The following SPAST variants were observed in gnomAD, a reference collection of about 807,000 sequenced individuals.
SPAST encodes spastic paraplegia 4 (autosomal dominant; spastin).
A neutral mutation model predicts 76.6 loss-of-function variants in SPAST; 30 were observed. The observed-to-expected ratio is 0.39, with a 90% CI of 0.29 to 0.53. The LOEUF (loss-of-function observed/expected upper bound fraction) is 0.53, where lower values mean the gene tolerates loss of function less well. Among genes scored for constraint, SPAST ranks in the 20% least tolerant of loss-of-function variants. The pLI, the probability that SPAST is intolerant of heterozygous loss-of-function variation, is 0.68. For synonymous variants in SPAST, 305 were observed against 281.0 expected, an observed-to-expected ratio of 1.09 and a Z score of -0.86; for missense variants, 717 against 770.5, an observed-to-expected ratio of 0.93 and a Z score of 0.82.
At chr2:32,092,128 G>A (rs529511125) in intron 3 of SPAST, among the ~76,000 whole-genome samples, 1 of 152,102 alleles carries the variant, frequency 6.6e-6, no homozygotes, top group East Asian at 1.9e-4. Flanking sequence ...CTCCTATATG[G>A]TCATTGTGTT....
rs1318207268 is a variant in SPAST at position 32,134,460 on chromosome 2, T to C, written c.1246-2103T>C. Reference sequence around the variant, plus strand: ...GAGATTGCAGTGAGCCGAGACTCCATCTCAAAAAAAAAAAATTTTTTTTTG... The same window carrying C: ...GAGATTGCAGTGAGCCGAGACTCCACCTCAAAAAAAAAAAATTTTTTTTTG... On this transcript the variant is annotated intron_variant, in intron 9 of 16. Coordinates refer to ENST00000315285, the MANE Select transcript of SPAST (RefSeq NM_014946.4). Among the ~76,000 whole-genome samples the C allele has an allele frequency of 2.3e-5, 3 of 127,752 alleles. No individual in the cohort carries two copies. The East Asian group carries it at 6.7e-4, about 28-fold the overall frequency. 83.8% of individuals were successfully genotyped at this position (127,752 alleles called of 152,430 possible).
At chr2:32,093,227 C>T (rs920383815) in intron 3 of SPAST, among the ~76,000 whole-genome samples, 9 of 145,846 alleles carry the variant, frequency 6.2e-5, no homozygotes, top group African/African-American at 2.3e-4. Context: ...AGGAGAATGG[C>T]GTGAACCCGG....
At chr2:32,101,221 GC>G (rs1338808325) in intron 4 of SPAST, among the ~76,000 whole-genome samples, 2 of 152,132 alleles carry the variant, frequency 1.3e-5, no homozygotes, top group African/African-American at 4.8e-5. Flanking sequence ...GTGATGATGA[GC>G]ATTTTTTCAT....
Position 32,063,798 on chromosome 2 carries a change from C to A in SPAST, c.-34C>A, listed in dbSNP as rs1676381588. 1 of 1,545,354 alleles carries A rather than the reference C, an allele frequency of 6.5e-7. No individual in the cohort carries two copies. The highest frequency in any genetic ancestry group is 8.7e-7 in the Non-Finnish European group (1 of 1,153,442). On this transcript the variant is annotated 5_prime_UTR_variant, in exon 1 of 17. Coordinates refer to ENST00000315285, the MANE Select transcript of SPAST (RefSeq NM_014946.4). ...TTGGTTCCCGTCGGTCTGCGGGAGG[C>A]GGGTTATGGCGGCGGCGGCAGTGAG...
chr2:32,125,929 G>A (rs1679175319), intron 7 of SPAST, among the ~76,000 whole-genome samples: 1 of 152,056 alleles, frequency 6.6e-6, no homozygotes, highest in Non-Finnish European at 1.5e-5. Context: ...TGAGTAGCTG[G>A]GACGACAGGC....
At chr2:32,124,003 G>GAA (rs35266649) in intron 7 of SPAST, among the ~76,000 whole-genome samples, 6 of 149,994 alleles carry the variant, frequency 4.0e-5, no homozygotes, top group East Asian at 1.9e-4. Flanking sequence ...CATGATCCTT[G>GAA]AAAAAAAAAA....
intron 1 of SPAST, among the ~76,000 whole-genome samples, chr2:32,079,094 G>A (rs1677092360): frequency 1.3e-5 from 2 of 152,100 alleles, no homozygotes; most frequent in Admixed American, 1.3e-4. Flanking sequence ...GCCCACCTCA[G>A]CCTCCCGAAG....
At chr2:32,136,044 C>T (rs1331190088) in intron 9 of SPAST, among the ~76,000 whole-genome samples, 1 of 149,442 alleles carries the variant, frequency 6.7e-6, no homozygotes, top group Middle Eastern at 3.4e-3. Flanking sequence ...CACCACTGCA[C>T]TCCAGACTGG....
intron 12 of SPAST, among the ~76,000 whole-genome samples, chr2:32,140,914 CT>C (rs1340787908): frequency 8.2e-6 from 1 of 121,880 alleles, no homozygotes; most frequent in Non-Finnish European, 1.8e-5. Flanking sequence ...TTTGTTTGCT[CT>C]TTTTTGGGGG....
At chr2:32,069,647 C>G (rs1573037914) in intron 1 of SPAST, among the ~76,000 whole-genome samples, 2 of 151,700 alleles carry the variant, frequency 1.3e-5, no homozygotes, top group East Asian at 3.9e-4. Flanking sequence ...AGCCCCGCCT[C>G]CCACGTTCAC....
In SPAST at chr2:32,154,732, A is replaced by T; in HGVS notation, c.*236A>T. 2.0e-6 allele frequency: 1 copy of T among 506,218 alleles called. No individual in the cohort carries two copies. Among genetic ancestry groups the T allele is most frequent in the East Asian group, 3.6e-5 (1 of 27,518 alleles). The allele number at this position is 506,218 out of a possible 1,614,324, so 31.4% of individuals were successfully genotyped here. On this transcript the variant is annotated 3_prime_UTR_variant, in exon 17 of 17. Coordinates refer to ENST00000315285, the MANE Select transcript of SPAST (RefSeq NM_014946.4). ...TTGATGGTCACAGTTATCCCAATGG[A>T]CACTAAGTTAGAGCACAACAAAACC...
At chr2:32,135,044 T>C (rs971663348) in intron 9 of SPAST, among the ~76,000 whole-genome samples, 1 of 152,032 alleles carries the variant, frequency 6.6e-6, no homozygotes, top group Non-Finnish European at 1.5e-5. Context: ...AGTATAACTT[T>C]AGGCCTGTTT....
intron 7 of SPAST, among the ~76,000 whole-genome samples, chr2:32,121,402 A>G (rs942328142): frequency 2.6e-5 from 4 of 151,386 alleles, no homozygotes; most frequent in African/African-American, 4.9e-5. Flanking sequence ...CAGCCTCCCA[A>G]AGTGCTGGGA....
At chr2:32,131,755 C>G (rs1367201169) in intron 9 of SPAST, among the ~76,000 whole-genome samples, 1 of 149,660 alleles carries the variant, frequency 6.7e-6, no homozygotes, top group Non-Finnish European at 1.5e-5. Flanking sequence ...CTCTGCCTCC[C>G]GGGTTCAAGT....
chr2:32,145,925 C>T (rs1166947532), intron 15 of SPAST, among the ~76,000 whole-genome samples: 1 of 152,120 alleles, frequency 6.6e-6, no homozygotes, highest in Non-Finnish European at 1.5e-5. Flanking sequence ...TGTAGTTGTA[C>T]GAGAAAGATG....
At chr2:32,136,497 A>G in intron 9 of SPAST, 66 bp from the exon 10 acceptor site, 2 of 1,202,934 alleles carry the variant, frequency 1.7e-6, no homozygotes, top group African/African-American at 1.5e-5. Flanking sequence ...GATTTTCAAC[A>G]TAAAATTTAA....
At chr2:32,087,681 T>G (rs1305305967) in intron 2 of SPAST, 103 bp downstream of exon 2, 2 of 368,988 alleles carry the variant, frequency 5.4e-6, no homozygotes, top group Non-Finnish European at 8.8e-6. Flanking sequence ...CTTTCTTTCT[T>G]TTCTTTTCTT....
chr2:32,154,285 C>A, intron 16 of SPAST, 89 bp from the exon 17 acceptor site: 2 of 1,101,702 alleles, frequency 1.8e-6, no homozygotes, highest in Non-Finnish European at 2.8e-6. Flanking sequence ...CATTAAGAAA[C>A]AGCAGCATCA....
intron 1 of SPAST, among the ~76,000 whole-genome samples, chr2:32,078,473 G>T (rs1034228013): frequency 2.6e-5 from 4 of 152,078 alleles, no homozygotes; most frequent in Non-Finnish European, 5.9e-5. Context: ...ACTGTGCCCG[G>T]CCCCATTTCT....
Sources: allele counts gnomAD v4.1 joint callset (sites outside exome capture counted in the v4.1 genomes callset), GRCh38; gene constraint gnomAD v4.1.1; transcripts MANE v1.5; gene names NCBI Gene and HGNC (gene_info 2026-07-23, HGNC 2026-07-21).